AGBL4: variants seen among roughly 807,000 people sequenced by gnomAD.
AGBL4 encodes cytosolic carboxypeptidase 6.
In AGBL4, 58 loss-of-function variants were observed where a neutral mutation model predicts 66.4. The ratio of observed to expected loss-of-function variants is 0.87; its 90% CI spans 0.71 to 1.09. The LOEUF is 1.09. Ranked by LOEUF, AGBL4 falls within the 50% of genes least tolerant of loss-of-function variation. The pLI is 0.00. For missense variants in AGBL4, 579 were observed against 631.0 expected (o/e 0.92, Z 0.88); for synonymous variants, 234 against 222.9 (o/e 1.05, Z -0.44).
At position 48,901,960 on chromosome 1, in the gene AGBL4, C is replaced by T. The variant is rs145338768; in HGVS notation, c.595-34730G>A. ...GGCTGGGGAGGCCTCACAATCATGGCGGAAGGTGAAGGGCACGTCTTACAT... is the reference window on the plus strand; with the variant it reads ...GGCTGGGGAGGCCTCACAATCATGGTGGAAGGTGAAGGGCACGTCTTACAT... On this transcript the variant is annotated intron_variant, in intron 5 of 13. Coordinates refer to ENST00000371839, the MANE Select transcript of AGBL4 (RefSeq NM_032785.4). 1.7e-3 allele frequency among the ~76,000 whole-genome samples: 256 copies of T among 152,208 alleles called. 1 individual carries two copies. In the East Asian group the frequency reaches 0.021, roughly 12 times the overall value.
At chr1:49,541,861 T>G (rs1652061366) in intron 3 of AGBL4, among the ~76,000 whole-genome samples, 1 of 152,174 alleles carries the variant, frequency 6.6e-6, no homozygotes, top group African/African-American at 2.4e-5. Flanking sequence ...TGTGTCTAGC[T>G]CAAGGTTTGT....
intron 3 of AGBL4, among the ~76,000 whole-genome samples, chr1:49,624,052 T>G (rs1443582592): frequency 6.6e-6 from 1 of 151,748 alleles, no homozygotes; most frequent in East Asian, 1.9e-4. Flanking sequence ...ATGTGAGGTG[T>G]GCATAGAATT....
chr1:49,921,616 C>T (rs1652261008), intron 1 of AGBL4, among the ~76,000 whole-genome samples: 1 of 152,172 alleles, frequency 6.6e-6, no homozygotes, highest in Non-Finnish European at 1.5e-5. Context: ...GCCAACAGAG[C>T]ACCCTTCAGT....
At chr1:49,944,670 T>C (rs1413258921) in intron 1 of AGBL4, among the ~76,000 whole-genome samples, 1 of 151,670 alleles carries the variant, frequency 6.6e-6, no homozygotes, top group African/African-American at 2.4e-5. Context: ...CAAAAAAAAA[T>C]TACACTAGCT....
intron 3 of AGBL4, among the ~76,000 whole-genome samples, chr1:49,681,716 A>T (rs920828772): frequency 3.9e-5 from 6 of 152,212 alleles, no homozygotes; most frequent in African/African-American, 1.4e-4. Context: ...CACAGCAGAA[A>T]GTCATAAAAC....
intron 3 of AGBL4, among the ~76,000 whole-genome samples, chr1:49,561,327 T>C (rs962554829): frequency 6.6e-6 from 1 of 151,774 alleles, no homozygotes; most frequent in African/African-American, 2.4e-5. Context: ...ATTATACATG[T>C]ACCCTAAAGT....
intron 6 of AGBL4, among the ~76,000 whole-genome samples, chr1:48,815,745 C>T (rs2148763455): frequency 6.6e-6 from 1 of 152,178 alleles, no homozygotes; most frequent in South Asian, 2.1e-4. Context: ...AACATCCAGG[C>T]AAATCAAGAA....
intron 6 of AGBL4, among the ~76,000 whole-genome samples, chr1:48,780,537 G>T (rs562666999): frequency 2.6e-5 from 4 of 152,126 alleles, no homozygotes; most frequent in Non-Finnish European, 5.9e-5. Context: ...ATACTAGAAG[G>T]CTACAGTAGC....
chr1:49,004,508 A>T (rs1661631131), intron 5 of AGBL4, among the ~76,000 whole-genome samples: 1 of 152,342 alleles, frequency 6.6e-6, no homozygotes, highest in South Asian at 2.1e-4. Flanking sequence ...GTATTATTCC[A>T]AAAACTTCTA....
intron 2 of AGBL4, among the ~76,000 whole-genome samples, chr1:49,762,653 C>T (rs1473674917): frequency 6.6e-6 from 1 of 152,218 alleles, no homozygotes; most frequent in Non-Finnish European, 1.5e-5. Flanking sequence ...ACCTCGTGCT[C>T]TGCCCGCCTT....
chr1:49,079,767 C>A (rs531393964), intron 4 of AGBL4, among the ~76,000 whole-genome samples: 2 of 152,268 alleles, frequency 1.3e-5, no homozygotes, highest in Admixed American at 1.3e-4. Context: ...GGGAATGAAT[C>A]TCCATTATCT....
chr1:49,027,172 T>A (rs1323175482), intron 5 of AGBL4, among the ~76,000 whole-genome samples: 1 of 152,148 alleles, frequency 6.6e-6, no homozygotes, highest in African/African-American at 2.4e-5. Context: ...TTTTTTTTTC[T>A]TTTTTGAGAC....
rs1646244664 is a variant in AGBL4, at chr1:49,660,374, A to T, written c.282+36939T>A. ...AAAGCTTAACATCACTGATCATTAG[A>T]GAAACGCAAATCAAAACCACAATGA... On this transcript the variant is annotated intron_variant, in intron 3 of 13. Coordinates refer to ENST00000371839, the MANE Select transcript of AGBL4 (RefSeq NM_032785.4). Among the ~76,000 whole-genome samples, 3 of 152,234 alleles carry T rather than the reference A, an allele frequency of 2.0e-5. No individual in the cohort carries two copies. The East Asian group carries it at 5.8e-4, about 29-fold the overall frequency.
chr1:49,549,348 C>T (rs1652771830), intron 3 of AGBL4, among the ~76,000 whole-genome samples: 1 of 150,190 alleles, frequency 6.7e-6, no homozygotes, highest in Non-Finnish European at 1.5e-5. Flanking sequence ...TCTTATTTCT[C>T]TAGTTCCTTG....
chr1:49,102,370 G>T (rs1645218197), intron 4 of AGBL4, among the ~76,000 whole-genome samples: 1 of 152,096 alleles, frequency 6.6e-6, no homozygotes, highest in Non-Finnish European at 1.5e-5. Context: ...GTTTAGTTAT[G>T]GCACAGGACC....
chr1:49,411,332 C>G (rs1034629944), intron 3 of AGBL4, among the ~76,000 whole-genome samples: 1 of 152,202 alleles, frequency 6.6e-6, no homozygotes, highest in Non-Finnish European at 1.5e-5. Context: ...CTCCTGCCTA[C>G]TTTGTTCTAG....
intron 3 of AGBL4, among the ~76,000 whole-genome samples, chr1:49,645,561 C>T (rs1327031824): frequency 6.6e-6 from 1 of 151,290 alleles, no homozygotes; most frequent in Non-Finnish European, 1.5e-5. Context: ...AAATCCCTCT[C>T]ACAAAGAAAA....
chr1:49,711,183 T>C (rs1470163474), intron 2 of AGBL4, among the ~76,000 whole-genome samples: 1 of 152,110 alleles, frequency 6.6e-6, no homozygotes, highest in Non-Finnish European at 1.5e-5. Flanking sequence ...CAAAACCATT[T>C]GATAATTTCT....
chr1:49,128,348 T>C (rs976318495), intron 4 of AGBL4, among the ~76,000 whole-genome samples: 4 of 152,058 alleles, frequency 2.6e-5, no homozygotes, highest in African/African-American at 7.2e-5. Flanking sequence ...ATAATCCCAA[T>C]TGATAAATTT....
Sources: gnomAD v4.1 joint callset for allele counts (sites outside exome capture counted in the v4.1 genomes callset) on GRCh38, gnomAD v4.1.1 for gene constraint, MANE v1.5 for transcripts, NCBI Gene and HGNC (gene_info 2026-07-23, HGNC 2026-07-21) for gene names.